DCP1B: variants seen among roughly 807,000 people sequenced by gnomAD.
The protein encoded by DCP1B is decapping mRNA 1B.
DCP1B carries 47 observed loss-of-function variants against 60.5 expected under a neutral mutation model. The ratio of observed to expected loss-of-function variants is 0.78; its 90% confidence interval spans 0.61 to 0.99. DCP1B has a LOEUF of 0.99. Among genes scored for constraint, DCP1B ranks in the 50% least tolerant of loss-of-function variants. The probability of loss-of-function intolerance (pLI) is 0.00; values close to 1 mark genes in which losing one functional copy is unlikely to be tolerated. For missense variants in DCP1B, 725 were observed against 756.8 expected (o/e 0.96, Z 0.49); for synonymous variants, 267 against 280.3 (o/e 0.95, Z 0.47).
At position 1,955,570 on chromosome 12, in the gene DCP1B, A is replaced by G. The variant is rs1293428565; in HGVS notation, c.523-10T>C. The G allele has an allele frequency of 6.2e-7, 1 of 1,606,810 alleles. No homozygotes were observed. On this transcript the variant is annotated splice_polypyrimidine_tract_variant and intron_variant, in intron 5 of 8. Coordinates refer to ENST00000280665, the MANE Select transcript of DCP1B (RefSeq NM_152640.5). Reference sequence around the variant, plus strand: ...CAGAACAGGTTTTACACTGAAATAGAAAAGAAAATCCCCTCATTTTTGGCT... The same window carrying G: ...CAGAACAGGTTTTACACTGAAATAGGAAAGAAAATCCCCTCATTTTTGGCT...
In DCP1B at chr12:1,948,581, T is replaced by A. The variant is rs559859639; in HGVS notation, c.1773+505A>T. Among the ~76,000 whole-genome samples, 1 of 152,350 alleles carries A rather than the reference T, an allele frequency of 6.6e-6. No individual in the cohort carries two copies. Among genetic ancestry groups the A allele is most frequent in the South Asian group, 2.1e-4 (1 of 4,826 alleles). On this transcript the variant is annotated intron_variant, in intron 8 of 8. Transcript: ENST00000280665. The surrounding 1 kb of genome is among the most constrained non-coding windows in gnomAD (Gnocchi z 4.8). ...GCTCACAAGGAGTCCTGTCACTCCA[T>A]CCCGTCCTAATGAGCAGGTTTCAAA...
At chr12:1,991,515 G>T (rs890844011) in intron 3 of DCP1B, 6 of 232,678 alleles carry the variant, frequency 2.6e-5, no homozygotes, top group South Asian at 5.2e-5. Flanking sequence ...ATTTCAACAT[G>T]TTAATATAAA....
chr12:1,949,552 C>T (rs1160624685), intron 7 of DCP1B, among the ~76,000 whole-genome samples: 1 of 152,238 alleles, frequency 6.6e-6, no homozygotes, highest in Non-Finnish European at 1.5e-5. Flanking sequence ...ACTATTCTTT[C>T]CACTGCATAT....
At chr12:1,968,697 T>G (rs1326505204) in intron 3 of DCP1B, among the ~76,000 whole-genome samples, 1 of 152,212 alleles carries the variant, frequency 6.6e-6, no homozygotes, top group Non-Finnish European at 1.5e-5. Flanking sequence ...ACATGTTAAC[T>G]GAGAAAGTGG....
chr12:1,944,469 T>C (rs139254843), downstream of DCP1B, among the ~76,000 whole-genome samples: 199 of 152,344 alleles, frequency 1.3e-3, no homozygotes, highest in African/African-American at 4.7e-3. Context: ...AGAGCCCGTA[T>C]AGCCAAGACA....
At chr12:1,969,545 C>CTTT (rs780218221) in intron 3 of DCP1B, among the ~76,000 whole-genome samples, 14 of 130,126 alleles carry the variant, frequency 1.1e-4, no homozygotes, top group African/African-American at 2.3e-4. Flanking sequence ...GGTACACTGA[C>CTTT]TTTTTTTTTT....
chr12:1,977,510 G>A (rs926084530), intron 3 of DCP1B, among the ~76,000 whole-genome samples: 1 of 152,164 alleles, frequency 6.6e-6, no homozygotes, highest in East Asian at 1.9e-4. Flanking sequence ...AACAATTCTA[G>A]AATATAAGTG....
chr12:1,965,894 C>A (rs2031278714), intron 4 of DCP1B, among the ~76,000 whole-genome samples: 1 of 152,124 alleles, frequency 6.6e-6, no homozygotes. Flanking sequence ...GGATAGGGGT[C>A]AGCAAATCTG....
chr12:1,957,461 T>C (rs1232215129), intron 5 of DCP1B, among the ~76,000 whole-genome samples: 2 of 152,240 alleles, frequency 1.3e-5, no homozygotes, highest in Non-Finnish European at 2.9e-5. Flanking sequence ...TTTCTTTTTA[T>C]ATTCTTTTGA....
intron 1 of DCP1B, among the ~76,000 whole-genome samples, chr12:2,001,876 C>T (rs1255404308): frequency 6.6e-6 from 1 of 152,212 alleles, no homozygotes; most frequent in East Asian, 1.9e-4. Flanking sequence ...CCAAAAACGT[C>T]TCCAGACACT....
downstream of DCP1B, among the ~76,000 whole-genome samples, chr12:1,944,515 G>A (rs909903868): frequency 2.9e-4 from 44 of 152,104 alleles, no homozygotes; most frequent in Middle Eastern, 3.2e-3. Flanking sequence ...CAGGCATCAT[G>A]TTACCTGACT....
chr12:1,969,980 C>T (rs2031808383), intron 3 of DCP1B, among the ~76,000 whole-genome samples: 1 of 152,060 alleles, frequency 6.6e-6, no homozygotes, highest in South Asian at 2.1e-4. Context: ...AAACACGAGG[C>T]CCAATGGCAG....
chr12:1,995,186 T>C (rs914162010), intron 2 of DCP1B, among the ~76,000 whole-genome samples: 3 of 151,984 alleles, frequency 2.0e-5, no homozygotes, highest in African/African-American at 7.3e-5. Context: ...CAAAAGAAAA[T>C]ATTTGTATGA....
rs184211446 is a variant in DCP1B at position 2,004,113 on chromosome 12, C to T, written c.150+169G>A. 1,890 of 963,434 alleles carry T rather than the reference C, an allele frequency of 2.0e-3. 31 individuals are homozygous for T. Among genetic ancestry groups the T allele is most frequent in the Non-Finnish European group, 4.0e-4 (263 of 659,754 alleles). The allele number at this position is 963,434 out of a possible 1,614,324, so 59.7% of individuals were successfully genotyped here. ...GCTCCACAGATCCGCCTTCCTTCCC[C>T]CAAACCCCCGAGACCCCATCTCCAC... On this transcript the variant is annotated intron_variant, in intron 1 of 8. Transcript: ENST00000280665.
In DCP1B at chr12:1,971,668, T is replaced by C. The variant is rs1565782664; in HGVS notation, c.320-3758A>G. 6.6e-6 allele frequency among the ~76,000 whole-genome samples: 1 copy of C among 152,220 alleles called. No homozygotes were observed. The highest frequency in any genetic ancestry group is 1.5e-5 in the Non-Finnish European group (1 of 68,030). On this transcript the variant is annotated intron_variant, in intron 3 of 8. Coordinates refer to ENST00000280665, the MANE Select transcript of DCP1B (RefSeq NM_152640.5). This position sits in a 1 kb window ranked among gnomAD's most constrained non-coding sequence, Gnocchi z 4.2. ...TTTTAAGAGGCTAGTTAAGGGGCCA[T>C]TAAAGGCAGTGTCATGTCAGCGTCA...
At chr12:1,977,972 A>G (rs547883952) in intron 3 of DCP1B, among the ~76,000 whole-genome samples, 1 of 152,326 alleles carries the variant, frequency 6.6e-6, no homozygotes, top group East Asian at 1.9e-4. Context: ...TATATGTTTC[A>G]TTCTAGAGAA....
At chr12:1,946,801 G>A (rs973165776) in intron 8 of DCP1B, among the ~76,000 whole-genome samples, 3 of 152,144 alleles carry the variant, frequency 2.0e-5, no homozygotes, top group Non-Finnish European at 4.4e-5. Flanking sequence ...ATGGGTTCAA[G>A]CGATCCTCCC....
At chr12:1,997,037 T>G (rs1191052666) in intron 2 of DCP1B, among the ~76,000 whole-genome samples, 1 of 152,242 alleles carries the variant, frequency 6.6e-6, no homozygotes, top group Non-Finnish European at 1.5e-5. Flanking sequence ...ATGAAAAGTT[T>G]ATTTATTGAG....
intron 5 of DCP1B, chr12:1,961,455 C>T (rs944092677): frequency 1.3e-5 from 2 of 152,204 alleles, no homozygotes; most frequent in African/African-American, 4.8e-5. Context: ...GAGCAACTGA[C>T]ATTACGCATA....
Sources: allele counts gnomAD v4.1 joint callset (sites outside exome capture counted in the v4.1 genomes callset), GRCh38; gene constraint gnomAD v4.1.1; non-coding constraint Gnocchi (gnomAD v3.1); transcripts MANE v1.5; gene names NCBI Gene and HGNC (gene_info 2026-07-23, HGNC 2026-07-21).